DNAJC8: variants seen among roughly 807,000 people sequenced by gnomAD.
DNAJC8 encodes the protein DnaJ heat shock protein family (Hsp40) member C8, also known as dnaJ homolog subfamily C member 8.
A neutral mutation model predicts 43.2 loss-of-function variants in DNAJC8; 24 were observed. The ratio of observed to expected loss-of-function variants is 0.56; its 90% CI spans 0.40 to 0.78. The LOEUF is 0.78. Ranked by LOEUF, DNAJC8 falls within the 30% of genes least tolerant of loss-of-function variation. The probability of loss-of-function intolerance (pLI) is 0.00; values close to 1 mark genes in which losing one functional copy is unlikely to be tolerated. For synonymous variants in DNAJC8, 83 were observed against 98.0 expected (o/e 0.85, Z 0.90); for missense variants, 207 against 299.4 (o/e 0.69, Z 2.28).
chr1:28,227,104 CT>C (rs375175168), intron 2 of DNAJC8, among the ~76,000 whole-genome samples: 2,080 of 95,056 alleles, frequency 0.022, 11 homozygotes, highest in African/African-American at 0.046. Flanking sequence ...CTCTCTCTCT[CT>C]TTTTTTTTTT....
intron 2 of DNAJC8, among the ~76,000 whole-genome samples, chr1:28,217,032 T>C (rs946541549): frequency 1.4e-4 from 21 of 152,124 alleles, no homozygotes; most frequent in African/African-American, 5.1e-4. Context: ...GGTCTTGAAC[T>C]CCCAACTTCA....
chr1:28,209,486 T>C (rs547796653), intron 5 of DNAJC8, among the ~76,000 whole-genome samples: 3 of 152,270 alleles, frequency 2.0e-5, no homozygotes, highest in South Asian at 4.1e-4. Context: ...TACAACTCAG[T>C]TTCCTTCAAC....
chr1:28,218,643 C>T (rs1646877776), intron 2 of DNAJC8, among the ~76,000 whole-genome samples: 1 of 151,812 alleles, frequency 6.6e-6, no homozygotes, highest in Non-Finnish European at 1.5e-5. Flanking sequence ...CAGTGGCTCA[C>T]GCCTGTAATC....
At chr1:28,231,029 C>T (rs1458471191) in intron 1 of DNAJC8, among the ~76,000 whole-genome samples, 2 of 152,086 alleles carry the variant, frequency 1.3e-5, no homozygotes, top group Non-Finnish European at 2.9e-5. Context: ...TTTTATGAAA[C>T]GCTTTCTTAT....
intron 2 of DNAJC8, among the ~76,000 whole-genome samples, chr1:28,222,287 AC>A (rs1448741266): frequency 6.6e-6 from 1 of 151,980 alleles, no homozygotes; most frequent in Non-Finnish European, 1.5e-5. Context: ...GGCGTTCGAG[AC>A]CAGCCTGACT....
chr1:28,206,599 G>A (rs1646770301), intron 6 of DNAJC8, among the ~76,000 whole-genome samples: 1 of 152,158 alleles, frequency 6.6e-6, no homozygotes, highest in South Asian at 2.1e-4. Context: ...CTAAGTTAAT[G>A]AAATCACAAT....
At chr1:28,223,209 C>T (rs1047426148) in intron 2 of DNAJC8, among the ~76,000 whole-genome samples, 2 of 152,076 alleles carry the variant, frequency 1.3e-5, no homozygotes, top group African/African-American at 4.8e-5. Context: ...GTATGTGGAG[C>T]CAGACCCCGA....
chr1:28,223,600 T>A (rs1646913678), intron 2 of DNAJC8, among the ~76,000 whole-genome samples: 2 of 151,268 alleles, frequency 1.3e-5, no homozygotes, highest in African/African-American at 2.4e-5. Flanking sequence ...CAGCGCCAGG[T>A]GCACTGGCTG....
chr1:28,221,992 G>A (rs1646901434), intron 2 of DNAJC8, among the ~76,000 whole-genome samples: 1 of 152,054 alleles, frequency 6.6e-6, no homozygotes, highest in East Asian at 1.9e-4. Flanking sequence ...GTCACGAAAA[G>A]GCAAACACTA....
intron 8 of DNAJC8, among the ~76,000 whole-genome samples, chr1:28,202,922 G>A (rs1646747023): frequency 6.6e-6 from 1 of 152,156 alleles, no homozygotes; most frequent in Non-Finnish European, 1.5e-5. Flanking sequence ...GCCGACTATG[G>A]TGTGTACTGC....
intron 4 of DNAJC8, chr1:28,210,312 C>A (rs1646802151): frequency 5.4e-6 from 3 of 557,684 alleles, no homozygotes; most frequent in Non-Finnish European, 9.5e-6. Context: ...TGATAAAATT[C>A]TTTATGTTCA....
intron 2 of DNAJC8, among the ~76,000 whole-genome samples, chr1:28,222,116 T>C (rs1646902249): frequency 6.6e-6 from 1 of 152,146 alleles, no homozygotes; most frequent in African/African-American, 2.4e-5. Context: ...GGGTATACAA[T>C]TTCAGTTTTA....
chr1:28,203,898 A>G, intron 7 of DNAJC8, 76 bp from the exon 8 acceptor site: 1 of 1,420,200 alleles, frequency 7.0e-7, no homozygotes, highest in South Asian at 1.1e-5. Flanking sequence ...GCATCTCCCC[A>G]CAGAAGCAAG....
chr1:28,208,291 T>C, intron 6 of DNAJC8, 51 bp downstream of exon 6: 1 of 1,436,520 alleles, frequency 7.0e-7, no homozygotes. Context: ...ACCCACCAAT[T>C]CGTAGACACA....
intron 2 of DNAJC8, among the ~76,000 whole-genome samples, chr1:28,228,039 T>G (rs544334402): frequency 1.3e-5 from 2 of 152,280 alleles, no homozygotes; most frequent in Non-Finnish European, 1.5e-5. Context: ...AAACAGAAGT[T>G]TTAACAAGTA....
At chr1:28,231,858 C>A (rs1646977969) in intron 1 of DNAJC8, among the ~76,000 whole-genome samples, 1 of 151,682 alleles carries the variant, frequency 6.6e-6, no homozygotes, top group African/African-American at 2.4e-5. Flanking sequence ...AGCTCTGCCT[C>A]CCGGGTTCAC....
chr1:28,213,185 T>C (rs1646827088), intron 3 of DNAJC8, among the ~76,000 whole-genome samples: 1 of 152,200 alleles, frequency 6.6e-6, no homozygotes, highest in East Asian at 1.9e-4. Context: ...ACTAGTTGTA[T>C]AGCTCCAATA....
chr1:28,209,656 C>A (rs1170327984), intron 5 of DNAJC8, among the ~76,000 whole-genome samples: 2 of 152,186 alleles, frequency 1.3e-5, no homozygotes, highest in African/African-American at 4.8e-5. Context: ...GGCTGCTCCA[C>A]GTTTCCACTC....
intron 2 of DNAJC8, among the ~76,000 whole-genome samples, chr1:28,223,177 A>C (rs1646910523): frequency 6.6e-6 from 1 of 152,168 alleles, no homozygotes; most frequent in African/African-American, 2.4e-5. Context: ...TTCAGAGCCC[A>C]AAAAATATGA....
Sources: allele counts gnomAD v4.1 joint callset (sites outside exome capture counted in the v4.1 genomes callset), GRCh38; gene constraint gnomAD v4.1.1; transcripts MANE v1.5; gene names NCBI Gene and HGNC (gene_info 2026-07-23, HGNC 2026-07-21).